Variants in CHRM1 observed in about 807,000 individuals in gnomAD.
CHRM1 encodes cholinergic receptor muscarinic 1, also known as muscarinic acetylcholine receptor M1.
A neutral mutation model predicts 31.6 loss-of-function variants in CHRM1; 5 were observed. That is an observed-to-expected ratio of 0.16 (90% CI 0.08 to 0.33). The LOEUF (loss-of-function observed/expected upper bound fraction) is 0.33, where lower values mean the gene tolerates loss of function less well. Ranked by LOEUF, CHRM1 falls within the 10% of genes least tolerant of loss-of-function variation. The pLI, the probability that CHRM1 is intolerant of heterozygous loss-of-function variation, is 1.00. For synonymous variants in CHRM1, 227 were observed against 249.7 expected (o/e 0.91, Z 0.86); for missense variants, 338 against 610.3 (o/e 0.55, Z 4.70).
chr11:62,916,982 C>T (rs1207644893), intron 1 of CHRM1: 3 of 152,266 alleles, frequency 2.0e-5, no homozygotes, highest in African/African-American at 7.2e-5. Flanking sequence ...CAAGAACAGA[C>T]CCATCAATGA....
chr11:62,913,983 C>T (rs1335097843), intron 1 of CHRM1, among the ~76,000 whole-genome samples: 1 of 150,514 alleles, frequency 6.6e-6, no homozygotes, highest in Non-Finnish European at 1.5e-5. Flanking sequence ...CGCTGTGTCA[C>T]CCAGGCTGGA....
intron 1 of CHRM1, chr11:62,916,839 C>A (rs1472581974): frequency 1.3e-5 from 2 of 152,212 alleles, no homozygotes; most frequent in African/African-American, 4.8e-5. Context: ...AACCCCTCTG[C>A]CCCACTTACG....
chr11:62,910,410 G>A lies in CHRM1; in HGVS notation c.691C>T (p.Pro231Ser), dbSNP rs951287956. ...CTGCTGCTGCCACCCCCTTTGCCTGGCGTCTCGGAGCCCTGAAGGGCTGCC... is the reference window on the plus strand; with the variant it reads ...CTGCTGCTGCCACCCCCTTTGCCTGACGTCTCGGAGCCCTGAAGGGCTGCC... The part of the protein sequence containing the change: ...ELAALQGSET[P>S]GKGGGSSSSS... Residue 231 changes from proline to serine, a missense_variant, in exon 2 of 2, where the codon CCA becomes TCA. Physicochemically the swap from Pro to Ser is moderately conservative, Grantham distance 74. Coordinates refer to ENST00000306960, the MANE Select transcript of CHRM1 (RefSeq NM_000738.3). The surrounding 1 kb of genome is among the most constrained non-coding windows in gnomAD (Gnocchi z 8.7). The A allele has an allele frequency of 2.5e-6, 4 of 1,612,138 alleles. No homozygotes were observed. The Admixed American group carries it at 6.7e-5, about 27-fold the overall frequency.
At chr11:62,912,898 C>T (rs1388263486) in intron 1 of CHRM1, among the ~76,000 whole-genome samples, 1 of 152,222 alleles carries the variant, frequency 6.6e-6, no homozygotes, top group Non-Finnish European at 1.5e-5. Context: ...TCCTTGGGCA[C>T]CTGGCCTGTG....
chr11:62,909,496 A>G lies in CHRM1; in HGVS notation c.*222T>C, dbSNP rs1390227644. 6.8e-6 allele frequency: 4 copies of G among 586,976 alleles called. No individual in the cohort carries two copies. The highest frequency in any genetic ancestry group is 5.6e-5 in the African/African-American group (3 of 53,730). The allele number at this position is 586,976 out of a possible 1,614,324, so 36.4% of individuals were successfully genotyped here. Reference sequence around the variant, plus strand: ...GGTGAAGAGCGCATTCCCACCCAGCAGGGAACAGAAAAACCAGTTCCCCGG... The same window carrying G: ...GGTGAAGAGCGCATTCCCACCCAGCGGGGAACAGAAAAACCAGTTCCCCGG... On this transcript the variant is annotated 3_prime_UTR_variant, in exon 2 of 2. Coordinates refer to ENST00000306960, the MANE Select transcript of CHRM1 (RefSeq NM_000738.3).
intron 1 of CHRM1, among the ~76,000 whole-genome samples, chr11:62,915,243 A>AGGTGAAAATCAGGCACTT (rs1286236346): frequency 6.6e-6 from 1 of 150,562 alleles, no homozygotes; most frequent in Non-Finnish European, 1.5e-5. Context: ...GACTAGGGTA[A>AGGTGAAAATCAGGCACTT]GGTGAAAATC....
intron 1 of CHRM1, among the ~76,000 whole-genome samples, chr11:62,914,937 G>A (rs2085892671): frequency 1.3e-5 from 2 of 152,212 alleles, no homozygotes; most frequent in African/African-American, 2.4e-5. Context: ...CACTCTGGGA[G>A]GTTGAGGCAG....
chr11:62,912,672 T>C (rs2085878192), intron 1 of CHRM1, among the ~76,000 whole-genome samples: 1 of 152,198 alleles, frequency 6.6e-6, no homozygotes, highest in African/African-American at 2.4e-5. Context: ...ACAGCCACAG[T>C]GAAGCCAGAT....
chr11:62,910,054 C>T lies in CHRM1; in HGVS notation c.1047G>A (p.Leu349=). 6.2e-7 allele frequency: 1 copy of T among 1,613,598 alleles called. No individual in the cohort carries two copies. The highest frequency in any genetic ancestry group is 2.2e-5 in the East Asian group (1 of 44,876). Residue 349 remains leucine, a synonymous_variant, in exon 2 of 2, where the codon CTG becomes CTA. Transcript: ENST00000306960. The surrounding 1 kb of genome is among the most constrained non-coding windows in gnomAD (Gnocchi z 8.7). ...CCAGCGAGAAGGTCTTCCGCTTGGCCAGCTGCTCCTTTCCACGGGGCTTCT... is the reference window on the plus strand; with the variant it reads ...CCAGCGAGAAGGTCTTCCGCTTGGCTAGCTGCTCCTTTCCACGGGGCTTCT... The part of the protein sequence containing the change: ...KGQKPRGKEQ[L]AKRKTFSLVK...
At chr11:62,913,671 CAA>C (rs35385223) in intron 1 of CHRM1, among the ~76,000 whole-genome samples, 35 of 83,342 alleles carry the variant, frequency 4.2e-4, no homozygotes, top group Admixed American at 2.7e-4. Context: ...AACTCTGTCT[CAA>C]AAAAAAAAAA....
At chr11:62,911,502 A>G (rs2085870948) in intron 1 of CHRM1, among the ~76,000 whole-genome samples, 1 of 152,034 alleles carries the variant, frequency 6.6e-6, no homozygotes, top group African/African-American at 2.4e-5. Flanking sequence ...GAGTTGGGAA[A>G]CTCACTTTGT....
At chr11:62,912,049 G>A (rs2085873846) in intron 1 of CHRM1, among the ~76,000 whole-genome samples, 3 of 152,124 alleles carry the variant, frequency 2.0e-5, no homozygotes, top group African/African-American at 7.2e-5. Context: ...AATTGTGCTG[G>A]ACTCAGACAC....
At position 62,910,377 on chromosome 11, in the gene CHRM1, C is replaced by T; in HGVS notation, c.724G>A (p.Glu242Lys). The part of the protein sequence containing the change: ...GKGGGSSSSS[E>K]RSQPGAEGSP... ...CCCTCAGCCCCTGGCTGAGACCTCT[C>T]TGAGCTGCTGCTGCTGCCACCCCCT... The change falls in exon 2 of 2, where the codon GAG becomes AAG. Residue 242 changes from glutamate to lysine, a missense_variant. This residue lies in a region of CHRM1 where 183 missense variants were observed against 223.4 expected (regional missense o/e 0.82). Coordinates refer to ENST00000306960, the MANE Select transcript of CHRM1 (RefSeq NM_000738.3). This position sits in a 1 kb window ranked among gnomAD's most constrained non-coding sequence, Gnocchi z 8.7. 1 of 1,610,440 alleles carries T rather than the reference C, an allele frequency of 6.2e-7. No homozygotes were observed. The highest frequency in any genetic ancestry group is 8.5e-7 in the Non-Finnish European group (1 of 1,179,996).
intron 1 of CHRM1, among the ~76,000 whole-genome samples, chr11:62,914,262 G>C (rs758517173): frequency 2.0e-5 from 3 of 151,992 alleles, no homozygotes; most frequent in Non-Finnish European, 2.9e-5. Flanking sequence ...CCATTTTATA[G>C]ATAAGGAAGC....
chr11:62,911,809 C>G (rs2085872406), intron 1 of CHRM1, among the ~76,000 whole-genome samples: 1 of 152,166 alleles, frequency 6.6e-6, no homozygotes, highest in African/African-American at 2.4e-5. Context: ...CATTCTCACT[C>G]TCCCCGGGTA....
rs746730719 is a variant in CHRM1, at chr11:62,909,356, G to A, written c.*362C>T. 12 of 228,184 alleles carry A rather than the reference G, an allele frequency of 5.3e-5. No individual in the cohort carries two copies. The highest frequency in any genetic ancestry group is 9.5e-5 in the Non-Finnish European group (11 of 116,106). The allele number at this position is 228,184 out of a possible 1,614,324, so 14.1% of individuals were successfully genotyped here. A position where few individuals can be genotyped will look rare whatever the true frequency, so the allele number is the denominator to read the frequency against. Reference sequence around the variant, plus strand: ...GCAATCTGGGCCGCTGCTGGGCCAAGGAATACTTAATGTTAAGCCTTCTTT... The same window carrying A: ...GCAATCTGGGCCGCTGCTGGGCCAAAGAATACTTAATGTTAAGCCTTCTTT... On this transcript the variant is annotated 3_prime_UTR_variant, in exon 2 of 2. Transcript: ENST00000306960.
intron 1 of CHRM1, among the ~76,000 whole-genome samples, chr11:62,917,749 G>T (rs2085908263): frequency 6.6e-6 from 1 of 152,068 alleles, no homozygotes; most frequent in Non-Finnish European, 1.5e-5. Context: ...CTGTTAGAAG[G>T]CTTTAATACT....
At position 62,909,353 on chromosome 11, in the gene CHRM1, C is replaced by T. The variant is rs765916967; in HGVS notation, c.*365G>A. Reference sequence around the variant, plus strand: ...ACCGCAATCTGGGCCGCTGCTGGGCCAAGGAATACTTAATGTTAAGCCTTC... The same window carrying T: ...ACCGCAATCTGGGCCGCTGCTGGGCTAAGGAATACTTAATGTTAAGCCTTC... On this transcript the variant is annotated 3_prime_UTR_variant, in exon 2 of 2. Transcript: ENST00000306960. 10 of 221,316 alleles carry T rather than the reference C, an allele frequency of 4.5e-5. No homozygotes were observed. Among genetic ancestry groups the T allele is most frequent in the Non-Finnish European group, 8.1e-5 (9 of 111,792 alleles). 13.7% of individuals were successfully genotyped at this position (221,316 alleles called of 1,614,324 possible).
chr11:62,915,490 T>C (rs749275129), intron 1 of CHRM1, among the ~76,000 whole-genome samples: 6 of 152,218 alleles, frequency 3.9e-5, no homozygotes, highest in Non-Finnish European at 4.4e-5. Flanking sequence ...AGCCAGCCTG[T>C]GGGCTGGAAT....
Sources: allele counts gnomAD v4.1 joint callset (sites outside exome capture counted in the v4.1 genomes callset), GRCh38; gene constraint gnomAD v4.1.1; regional missense constraint gnomAD v4.1.1; non-coding constraint Gnocchi (gnomAD v3.1); transcripts MANE v1.5; gene names NCBI Gene and HGNC (gene_info 2026-07-23, HGNC 2026-07-21).